The following SGIP1 variants were observed in gnomAD, a reference collection of about 807,000 sequenced individuals.
The protein encoded by SGIP1 is SH3GL interacting endocytic adaptor 1.
Under a neutral mutation model 107.5 loss-of-function variants are expected in SGIP1, and 38 were observed. That is an observed-to-expected ratio of 0.35 (90% CI 0.27 to 0.46). The LOEUF (loss-of-function observed/expected upper bound fraction) is 0.46, where lower values mean the gene tolerates loss of function less well. Among genes scored for constraint, SGIP1 ranks in the 20% least tolerant of loss-of-function variants. The pLI, the probability that SGIP1 is intolerant of heterozygous loss-of-function variation, is 1.00. For synonymous variants in SGIP1, 365 were observed against 366.1 expected, an observed-to-expected ratio of 1.00 and a Z score of 0.03; for missense variants, 929 against 1,019.5, an observed-to-expected ratio of 0.91 and a Z score of 1.21.
chr1:66,626,949 G>A (rs1181644356), intron 2 of SGIP1, among the ~76,000 whole-genome samples: 3 of 152,104 alleles, frequency 2.0e-5, no homozygotes, highest in East Asian at 3.8e-4. Context: ...TTTATCATGC[G>A]TAAATTTTGT....
At chr1:66,717,036 TC>T (rs1406410522) in intron 18 of SGIP1, among the ~76,000 whole-genome samples, 4 of 152,234 alleles carry the variant, frequency 2.6e-5, no homozygotes, top group African/African-American at 9.6e-5. Flanking sequence ...AGACCTCAGC[TC>T]CAATATCTTC....
intron 1 of SGIP1, among the ~76,000 whole-genome samples, chr1:66,611,605 T>G (rs2068011942): frequency 6.6e-6 from 1 of 152,242 alleles, no homozygotes; most frequent in Non-Finnish European, 1.5e-5. Flanking sequence ...CTTCTTCACA[T>G]TCTCTTCCTT....
In SGIP1 at chr1:66,747,490, G is replaced by C. The variant is rs2094569071; in HGVS notation, c.*4395G>C. The C allele has an allele frequency of 6.6e-6, 1 of 151,658 alleles. No individual in the cohort carries two copies. Among genetic ancestry groups the C allele is most frequent in the South Asian group, 2.1e-4 (1 of 4,800 alleles). The allele number at this position is 151,658 out of a possible 1,614,324, so 9.4% of individuals were successfully genotyped here. On this transcript the variant is annotated 3_prime_UTR_variant, in exon 25 of 25. Transcript: ENST00000371037. ...TGCATTTTCTCATTTTCATATTTCT[G>C]TCCTTTTCTTCAATGTCTTAAAAGA...
chr1:66,635,967 C>A lies in SGIP1; in HGVS notation c.123C>A (p.Pro41=). The A allele has an allele frequency of 6.2e-7, 1 of 1,613,868 alleles. No individual in the cohort carries two copies. Among genetic ancestry groups the A allele is most frequent in the South Asian group, 1.1e-5 (1 of 91,056 alleles). Residue 41 remains proline, a synonymous_variant, in exon 4 of 25, where the codon CCC becomes CCA. Coordinates refer to ENST00000371037, the MANE Select transcript of SGIP1 (RefSeq NM_032291.4). The part of the protein sequence containing the change: ...DGIQPSPHEP[P]YNSKAECARE... ...AGCAGCCCAGCCCACACGAACCACC[C>A]TACAATAGCAAAGCAGAGTGTGCGC...
rs747063881 is a variant in SGIP1, at chr1:66,642,776, T to A, written c.229-34T>A. On this transcript the variant is annotated intron_variant, in intron 5 of 24. Transcript: ENST00000371037. ...AATAATTTCTTGATCACTGTTAGGA[T>A]AATAATTACTTCATGTGCACTTGTG... 6.4e-6 allele frequency: 10 copies of A among 1,570,984 alleles called. 1 individual carries two copies. In the South Asian group the frequency reaches 1.2e-4, roughly 18 times the overall value.
Position 66,675,537 on chromosome 1 carries a change from C to CTTTTTTTTTTTTTTTTTTTTTTTTTTTT in SGIP1, c.647-1464_647-1463insTTTTTTTTTTTTTTTTTTTTTTTTTTTT, listed in dbSNP as rs141370211. ...TTTCGTTGTTTTTCTTTTTCTTTTT[C>CTTTTTTTTTTTTTTTTTTTTTTTTTTTT]TTTCTTTTTTTTTTTTTTTTTTGAC... On this transcript the variant is annotated intron_variant, in intron 12 of 24. Transcript: ENST00000371037. Among the ~76,000 whole-genome samples, 22 of 109,242 alleles carry CTTTTTTTTTTTTTTTTTTTTTTTTTTTT rather than the reference C, an allele frequency of 2.0e-4. 3 individuals carry two copies. Among genetic ancestry groups the CTTTTTTTTTTTTTTTTTTTTTTTTTTTT allele is most frequent in the African/African-American group, 4.5e-4 (11 of 24,238 alleles). 71.7% of individuals were successfully genotyped at this position (109,242 alleles called of 152,430 possible).
At chr1:66,667,837 A>G (rs1446976285) in intron 9 of SGIP1, among the ~76,000 whole-genome samples, 1 of 152,098 alleles carries the variant, frequency 6.6e-6, no homozygotes, top group Non-Finnish European at 1.5e-5. Flanking sequence ...GTGTATGTGT[A>G]TATAAAAGGC....
chr1:66,723,338 T>C (rs1404185786), intron 19 of SGIP1, among the ~76,000 whole-genome samples: 1 of 152,228 alleles, frequency 6.6e-6, no homozygotes, highest in African/African-American at 2.4e-5. Flanking sequence ...CTATGATATG[T>C]AACCCATTTA....
intron 2 of SGIP1, among the ~76,000 whole-genome samples, chr1:66,629,867 A>G (rs937497327): frequency 1.3e-5 from 2 of 152,202 alleles, no homozygotes; most frequent in Non-Finnish European, 2.9e-5. Context: ...AGCATTTACT[A>G]TGTTCTAGAG....
At chr1:66,560,927 C>T (rs1025017255) in intron 1 of SGIP1, among the ~76,000 whole-genome samples, 1 of 152,064 alleles carries the variant, frequency 6.6e-6, no homozygotes, top group African/African-American at 2.4e-5. Flanking sequence ...GAAAAGTGCA[C>T]TTAGCATAGA....
intron 1 of SGIP1, among the ~76,000 whole-genome samples, chr1:66,573,558 C>T (rs900898206): frequency 6.6e-6 from 1 of 152,124 alleles, no homozygotes; most frequent in African/African-American, 2.4e-5. Context: ...TACATATACA[C>T]TATTGAATAC....
chr1:66,684,241 TG>T, intron 15 of SGIP1: 1 of 1,549,960 alleles, frequency 6.5e-7, no homozygotes, highest in Non-Finnish European at 8.7e-7. Context: ...CAGGCACTTT[TG>T]TAAGGTTTGG....
intron 7 of SGIP1, chr1:66,644,105 T>C (rs17129245): frequency 0.14 from 20,892 of 153,094 alleles, 1,469 homozygotes; most frequent in African/African-American, 0.15. Flanking sequence ...GTTTCCTTTT[T>C]TATGATACAC....
chr1:66,742,572 C>T (rs1369807726), intron 24 of SGIP1, among the ~76,000 whole-genome samples: 1 of 145,628 alleles, frequency 6.9e-6, no homozygotes, highest in African/African-American at 2.6e-5. Flanking sequence ...TGGGTTCATG[C>T]CATTCTCCTG....
chr1:66,574,311 G>A (rs1339332170), intron 1 of SGIP1, among the ~76,000 whole-genome samples: 1 of 152,056 alleles, frequency 6.6e-6, no homozygotes, highest in African/African-American at 2.4e-5. Context: ...AAGGCCTCTT[G>A]GAAAAGTGAC....
intron 1 of SGIP1, among the ~76,000 whole-genome samples, chr1:66,599,174 T>C (rs186078728): frequency 1.2e-4 from 19 of 152,354 alleles, no homozygotes; most frequent in Admixed American, 5.2e-4. Context: ...TACTCGAACC[T>C]AACTACTTAA....
chr1:66,716,849 G>C (rs903780506), intron 18 of SGIP1, among the ~76,000 whole-genome samples: 3 of 151,998 alleles, frequency 2.0e-5, no homozygotes, highest in African/African-American at 7.3e-5. Flanking sequence ...TGACCTAATT[G>C]CTAACTCCCC....
At chr1:66,630,371 T>A (rs1341540513) in intron 2 of SGIP1, among the ~76,000 whole-genome samples, 1 of 152,152 alleles carries the variant, frequency 6.6e-6, no homozygotes, top group Non-Finnish European at 1.5e-5. Flanking sequence ...TCCACATGGA[T>A]CAGTGCCTCT....
At chr1:66,725,047 G>T (rs1001963199) in intron 19 of SGIP1, among the ~76,000 whole-genome samples, 1 of 152,162 alleles carries the variant, frequency 6.6e-6, no homozygotes, top group Non-Finnish European at 1.5e-5. Context: ...TACAAACAGG[G>T]TTAATGGATC....
Sources: allele counts gnomAD v4.1 joint callset (sites outside exome capture counted in the v4.1 genomes callset), GRCh38; gene constraint gnomAD v4.1.1; transcripts MANE v1.5; gene names NCBI Gene and HGNC (gene_info 2026-07-23, HGNC 2026-07-21).